Variants in MICU2 observed in about 807,000 individuals in gnomAD.
The protein encoded by MICU2 is calcium uptake protein 2, mitochondrial.
In MICU2, 64 loss-of-function variants were observed where a neutral mutation model predicts 60.4. That is an observed-to-expected ratio of 1.06 (90% CI 0.87 to 1.31). MICU2 has a LOEUF of 1.31. Among genes scored for constraint, MICU2 ranks in the 50% most tolerant of loss-of-function variants. MICU2 has a pLI of 0.00. For missense variants in MICU2, 569 were observed against 531.0 expected, an observed-to-expected ratio of 1.07 and a Z score of -0.70; for synonymous variants, 201 against 175.0, an observed-to-expected ratio of 1.15 and a Z score of -1.17.
intron 4 of MICU2, among the ~76,000 whole-genome samples, chr13:21,527,161 C>T (rs184982134): frequency 6.6e-6 from 1 of 152,074 alleles, no homozygotes; most frequent in East Asian, 1.9e-4. Flanking sequence ...CTATTTAGTC[C>T]TTCTATAAAG....
chr13:21,582,079 A>G (rs1276232873), intron 1 of MICU2, among the ~76,000 whole-genome samples: 1 of 152,236 alleles, frequency 6.6e-6, no homozygotes, highest in Non-Finnish European at 1.5e-5. Flanking sequence ...ATTAACTATG[A>G]TAAATACTTA....
chr13:21,566,916 A>G lies in MICU2; in HGVS notation c.239T>C (p.Ile80Thr), dbSNP rs778474100. Residue 80 changes from isoleucine (I) to threonine (T), a missense_variant, in exon 2 of 12, where the codon ATT becomes ACT. Coordinates refer to ENST00000382374, the MANE Select transcript of MICU2 (RefSeq NM_152726.3). ...QKNVEHGIIY[I>T]GKPSLRKQRF... ...CTGCTTACGAAGAGACGGTTTCCCA[A>G]TATATATTATTCCATGTTCAACATT... 3 of 1,602,972 alleles carry G rather than the reference A, an allele frequency of 1.9e-6. No homozygotes were observed. The African/African-American group carries it at 4.0e-5, about 22-fold the overall frequency.
intron 5 of MICU2, 99 bp downstream of exon 5, chr13:21,522,504 T>G (rs1886743521): frequency 1.1e-6 from 1 of 892,864 alleles, no homozygotes; most frequent in Non-Finnish European, 1.7e-6. Context: ...ATCAATAATG[T>G]TTTTAATGAT....
intron 1 of MICU2, among the ~76,000 whole-genome samples, chr13:21,578,400 A>G (rs1241406442): frequency 3.9e-5 from 6 of 152,190 alleles, no homozygotes; most frequent in Non-Finnish European, 2.9e-5. Flanking sequence ...TAGTCTAGGG[A>G]ACACAGGGAG....
intron 1 of MICU2, among the ~76,000 whole-genome samples, chr13:21,571,718 G>A (rs1810821236): frequency 6.6e-6 from 1 of 152,100 alleles, no homozygotes; most frequent in Non-Finnish European, 1.5e-5. Flanking sequence ...AAAAAAGAAA[G>A]GCAAAACAGA....
At chr13:21,574,083 T>C (rs879637038) in intron 1 of MICU2, among the ~76,000 whole-genome samples, 2 of 152,166 alleles carry the variant, frequency 1.3e-5, no homozygotes, top group Non-Finnish European at 1.5e-5. Context: ...CCTGAGGAAC[T>C]AGCTGGTCAG....
At chr13:21,586,585 A>AT (rs1277023543) in intron 1 of MICU2, among the ~76,000 whole-genome samples, 7 of 151,148 alleles carry the variant, frequency 4.6e-5, no homozygotes, top group African/African-American at 1.2e-4. Flanking sequence ...TTTTTTTTCT[A>AT]TTTTTTTGTA....
intron 4 of MICU2, among the ~76,000 whole-genome samples, chr13:21,524,550 C>T (rs1321969375): frequency 6.6e-6 from 1 of 152,194 alleles, no homozygotes; most frequent in South Asian, 2.1e-4. Context: ...TTCAAATGAG[C>T]ATCCAAAGAA....
chr13:21,584,375 C>T (rs1309049091), intron 1 of MICU2, among the ~76,000 whole-genome samples: 5 of 144,952 alleles, frequency 3.4e-5, no homozygotes, highest in African/African-American at 5.1e-5. Flanking sequence ...GGTGACAGAG[C>T]GAGACTCCAT....
chr13:21,529,075 T>TA (rs1454066936), intron 4 of MICU2, among the ~76,000 whole-genome samples: 1 of 152,164 alleles, frequency 6.6e-6, no homozygotes, highest in Admixed American at 6.5e-5. Flanking sequence ...CTAAGGAAGT[T>TA]AGATTTTATT....
chr13:21,548,925 T>TC, intron 2 of MICU2, among the ~76,000 whole-genome samples: 1 of 145,114 alleles, frequency 6.9e-6, no homozygotes, highest in Non-Finnish European at 1.5e-5. Flanking sequence ...TTGAGAGTTT[T>TC]TTTTTTTTTT....
chr13:21,523,501 C>A (rs1593325048), intron 4 of MICU2, among the ~76,000 whole-genome samples: 1 of 152,294 alleles, frequency 6.6e-6, no homozygotes, highest in East Asian at 1.9e-4. Flanking sequence ...CTATTTAAAA[C>A]GTAGTAATTA....
At chr13:21,576,927 A>T (rs1337699490) in intron 1 of MICU2, among the ~76,000 whole-genome samples, 18 of 152,226 alleles carry the variant, frequency 1.2e-4, no homozygotes. Context: ...TAGAAATTTT[A>T]TCCAAAACAA....
In MICU2 at chr13:21,503,043, A is replaced by G. The variant is rs754144412; in HGVS notation, c.816T>C (p.Ser272=). The G allele has an allele frequency of 6.2e-6, 10 of 1,607,126 alleles. No individual in the cohort carries two copies. In the South Asian group the frequency reaches 1.1e-4, roughly 18 times the overall value. The change falls in exon 9 of 12, where the codon TCT becomes TCC. Residue 272 remains serine (S), a synonymous_variant. Coordinates refer to ENST00000382374, the MANE Select transcript of MICU2 (RefSeq NM_152726.3). The part of the protein sequence containing the change: ...EIQEMEFLQF[S]KGLSFMRKED... ...CTTTTCTCATGAAACTCAAACCTTTAGAAAACTGAAGGAATTCCATTTCTT... is the reference window on the plus strand; with the variant it reads ...CTTTTCTCATGAAACTCAAACCTTTGGAAAACTGAAGGAATTCCATTTCTT...
intron 4 of MICU2, among the ~76,000 whole-genome samples, chr13:21,532,904 A>C (rs1887036597): frequency 6.6e-6 from 1 of 152,132 alleles, no homozygotes; most frequent in Non-Finnish European, 1.5e-5. Flanking sequence ...AAAATTTTTT[A>C]CTCTAAAAAA....
chr13:21,592,734 C>A (rs1327652404), intron 1 of MICU2, among the ~76,000 whole-genome samples: 4 of 152,160 alleles, frequency 2.6e-5, no homozygotes, highest in Admixed American at 2.0e-4. Context: ...TAAACATAAT[C>A]CATCACATAA....
chr13:21,571,558 C>T (rs530295806), intron 1 of MICU2, among the ~76,000 whole-genome samples: 9 of 152,074 alleles, frequency 5.9e-5, no homozygotes, highest in African/African-American at 1.2e-4. Flanking sequence ...ATTAGCCAGG[C>T]GTGGTGGCAG....
At chr13:21,537,057 T>C (rs1310062787) in intron 4 of MICU2, among the ~76,000 whole-genome samples, 3 of 152,234 alleles carry the variant, frequency 2.0e-5, no homozygotes, top group African/African-American at 7.2e-5. Context: ...CAGCTTTCTC[T>C]CTAGGCTTTT....
chr13:21,562,150 T>C (rs1283983181), intron 2 of MICU2, among the ~76,000 whole-genome samples: 1 of 151,974 alleles, frequency 6.6e-6, no homozygotes, highest in Non-Finnish European at 1.5e-5. Flanking sequence ...TTTGCTATTG[T>C]GAATAGTGCC....
Sources: allele counts gnomAD v4.1 joint callset (sites outside exome capture counted in the v4.1 genomes callset), GRCh38; gene constraint gnomAD v4.1.1; transcripts MANE v1.5; gene names NCBI Gene and HGNC (gene_info 2026-07-23, HGNC 2026-07-21).